Variants in SUCO observed in about 807,000 individuals in gnomAD.
SUCO encodes SUN domain-containing ossification factor.
In SUCO, 57 loss-of-function variants were observed where a neutral mutation model predicts 148.1. That is an observed-to-expected ratio of 0.38 (90% CI 0.31 to 0.48). SUCO has a LOEUF of 0.48. Ranked by LOEUF, SUCO falls within the 20% of genes least tolerant of loss-of-function variation. The pLI is 0.96. For missense variants in SUCO, 1,331 were observed against 1,468.2 expected (o/e 0.91, Z 1.53); for synonymous variants, 470 against 502.7 (o/e 0.93, Z 0.87).
At chr1:172,542,336 C>A (rs914794742) in intron 1 of SUCO, among the ~76,000 whole-genome samples, 1 of 152,034 alleles carries the variant, frequency 6.6e-6, no homozygotes, top group East Asian at 1.9e-4. Flanking sequence ...GAACCAAGAT[C>A]GTGCCATTGC....
intron 11 of SUCO, 110 bp downstream of exon 11, chr1:172,575,733 C>T: frequency 3.1e-6 from 2 of 643,868 alleles, no homozygotes; most frequent in Non-Finnish European, 2.6e-6. Context: ...ATAGACTACA[C>T]TATACCACTT....
intron 18 of SUCO, chr1:172,590,361 G>A: frequency 1.0e-6 from 1 of 984,976 alleles, no homozygotes; most frequent in Non-Finnish European, 1.2e-6. Context: ...CTGGATGATT[G>A]GGCACATTTG....
At chr1:172,578,569 T>G (rs1330339633) in intron 14 of SUCO, 180 bp downstream of exon 14, 1 of 962,186 alleles carries the variant, frequency 1.0e-6, no homozygotes, top group Non-Finnish European at 1.2e-6. Flanking sequence ...GATTGCTTTG[T>G]ATTCGTATTG....
Position 172,588,872 on chromosome 1 carries a change from T to C in SUCO, c.1771T>C (p.Ser591Pro). ...AGAGGAGGAAGAGGAGGCAAGTCCA[T>C]CTACAGTGACCCTTCTGGGCAGCGG... ...VQEEEEEASPSTVTLLGSGEQ... is the reference protein window; with the variant it reads ...VQEEEEEASPPTVTLLGSGEQ... The change falls in exon 18 of 24, where the codon TCT becomes CCT. Residue 591 changes from serine to proline, a missense_variant. Transcript: ENST00000263688. The C allele has an allele frequency of 6.2e-7, 1 of 1,613,392 alleles. No homozygotes were observed. The highest frequency in any genetic ancestry group is 8.5e-7 in the Non-Finnish European group (1 of 1,179,678).
rs199817109 is a variant in SUCO, at chr1:172,602,248, A to G, written c.3173+30A>G. The G allele has an allele frequency of 2.3e-5, 35 of 1,539,258 alleles. 1 individual carries two copies. In the South Asian group the frequency reaches 2.7e-4, roughly 12 times the overall value. ...TATCAGCATTATATTTCACAATTTT[A>G]TTTTTTTTACTATGCTTTGTATATT... On this transcript the variant is annotated intron_variant, in intron 21 of 23. Transcript: ENST00000263688.
At chr1:172,599,585 TC>T (rs1657365263) in intron 19 of SUCO, 1 of 182,144 alleles carries the variant, frequency 5.5e-6, no homozygotes, top group Admixed American at 6.5e-5. Flanking sequence ...CTATGTACCA[TC>T]CTAAGTTCCA....
chr1:172,537,847 T>G (rs1652138339), intron 1 of SUCO, among the ~76,000 whole-genome samples: 1 of 152,210 alleles, frequency 6.6e-6, no homozygotes, highest in Non-Finnish European at 1.5e-5. Flanking sequence ...ATCCTACTTG[T>G]GGTTCTGTCA....
At chr1:172,579,782 A>G (rs1655739451) in intron 15 of SUCO, among the ~76,000 whole-genome samples, 1 of 152,124 alleles carries the variant, frequency 6.6e-6, no homozygotes, top group South Asian at 2.1e-4. Flanking sequence ...TGGTAGGCTC[A>G]CTAAGGAGAC....
rs761482968 is a variant in SUCO at position 172,589,598 on chromosome 1, G to A, written c.2497G>A (p.Val833Ile). Residue 833 changes from valine (V) to isoleucine (I), a missense_variant, in exon 18 of 24, where the codon GTA becomes ATA. Physicochemically the swap from Val to Ile is conservative, Grantham distance 29 (BLOSUM62 3). Around this residue, in one of 3 missense-constraint regions of SUCO, gnomAD observed 992 missense variants for 1,093.5 expected, o/e 0.91. Transcript: ENST00000263688. The part of the protein sequence containing the change: ...TIVPPINTAT[V>I]PDNEDGEAKM... The stretch of plus-strand genomic sequence containing the variant: ...AGTGCCACCAATAAATACAGCCACT[G>A]TACCCGACAATGAAGATGGGGAAGC... The A allele has an allele frequency of 1.2e-6, 2 of 1,613,824 alleles. No individual in the cohort carries two copies. The highest frequency in any genetic ancestry group is 2.2e-5 in the South Asian group (2 of 91,060).
Position 172,535,836 on chromosome 1 carries a change from G to A in SUCO, c.62+2339G>A, listed in dbSNP as rs1651973204. Among the ~76,000 whole-genome samples, 2 of 152,076 alleles carry A rather than the reference G, an allele frequency of 1.3e-5. 1 individual carries two copies. Among genetic ancestry groups the A allele is most frequent in the South Asian group, 4.1e-4 (2 of 4,832 alleles). ...GTGTTATGTTTACTATCATAATTTT[G>A]TAGATCTTGATTATGTCTCCCCTCT... On this transcript the variant is annotated intron_variant, in intron 1 of 23. Transcript: ENST00000263688.
intron 19 of SUCO, among the ~76,000 whole-genome samples, chr1:172,595,748 A>G (rs1657048292): frequency 6.6e-6 from 1 of 152,008 alleles, no homozygotes; most frequent in South Asian, 2.1e-4. Flanking sequence ...TCTGACAATT[A>G]TGTGTCTTGG....
Position 172,557,433 on chromosome 1 carries a change from T to C in SUCO, c.581+16T>C, listed in dbSNP as rs770570819. ...CACCTGACAGGTGGGTAGGAGCAGT[T>C]GTTTGTCCTTCTTATGATTCTGTAA... On this transcript the variant is annotated intron_variant, in intron 5 of 23. Transcript: ENST00000263688. 5.0e-6 allele frequency: 8 copies of C among 1,613,560 alleles called. No homozygotes were observed. In the Admixed American group the frequency reaches 1.3e-4, roughly 27 times the overall value.
intron 18 of SUCO, among the ~76,000 whole-genome samples, chr1:172,590,750 T>A (rs1571268660): frequency 6.6e-6 from 1 of 152,142 alleles, no homozygotes; most frequent in Non-Finnish European, 1.5e-5. Flanking sequence ...CCCACTTAGC[T>A]ACCCCATACC....
At chr1:172,532,725 G>C (rs761365093), upstream of SUCO, 1 of 1,613,946 alleles carries the variant, frequency 6.2e-7, no homozygotes, top group South Asian at 1.1e-5. Context: ...CTGGGAAAGA[G>C]AAAAACGAAT....
At chr1:172,603,538 T>C (rs1181373901) in intron 22 of SUCO, among the ~76,000 whole-genome samples, 1 of 152,076 alleles carries the variant, frequency 6.6e-6, no homozygotes, top group Non-Finnish European at 1.5e-5. Flanking sequence ...TTTACAGACT[T>C]AACCCATTAC....
At chr1:172,542,649 C>T (rs1047398333) in intron 1 of SUCO, 7 of 771,804 alleles carry the variant, frequency 9.1e-6, no homozygotes, top group South Asian at 1.2e-4. Flanking sequence ...ATCTAATGGC[C>T]CCCCACCCCA....
chr1:172,584,671 G>C (rs1656110146), intron 15 of SUCO, among the ~76,000 whole-genome samples: 2 of 152,164 alleles, frequency 1.3e-5, no homozygotes, highest in South Asian at 4.1e-4. Flanking sequence ...TACTCGGGAG[G>C]CTGAGGCAGG....
chr1:172,600,712 G>GTC (rs1223651980), intron 20 of SUCO, among the ~76,000 whole-genome samples: 1 of 151,512 alleles, frequency 6.6e-6, no homozygotes. Flanking sequence ...GTGTGTGTGT[G>GTC]TGTGTGTGTG....
rs372075170 is a variant in SUCO at position 172,589,862 on chromosome 1, C to G, written c.2761C>G (p.Arg921Gly). 6.3e-7 allele frequency: 1 copy of G among 1,580,626 alleles called. No homozygotes were observed. Among genetic ancestry groups the G allele is most frequent in the Non-Finnish European group, 8.5e-7 (1 of 1,169,608 alleles). ...KESVFMRLNNRIKALEVNMSL... is the reference protein window; with the variant it reads ...KESVFMRLNNGIKALEVNMSL... The stretch of plus-strand genomic sequence containing the variant: ...GTCAGTATTTATGAGACTTAATAAT[C>G]GTATTAAAGCCTTAGAAGTTAACAT... Residue 921 changes from arginine (R) to glycine (G), a missense_variant, in exon 18 of 24, where the codon CGT (arginine) becomes GGT (glycine). Arg to Gly is a moderately radical substitution (Grantham distance 125, BLOSUM62 -2). This residue lies in a region of SUCO where 992 missense variants were observed against 1,093.5 expected (regional missense o/e 0.91). Transcript: ENST00000263688.
Sources: gnomAD v4.1 joint callset for allele counts (sites outside exome capture counted in the v4.1 genomes callset) on GRCh38, gnomAD v4.1.1 for gene constraint, gnomAD v4.1.1 regional missense constraint, MANE v1.5 for transcripts, NCBI Gene and HGNC (gene_info 2026-07-23, HGNC 2026-07-21) for gene names.